ZDHHC2: variants seen among roughly 807,000 people sequenced by gnomAD.
The protein encoded by ZDHHC2 is zDHHC palmitoyltransferase 2.
ZDHHC2 carries 51 observed loss-of-function variants against 55.6 expected under a neutral mutation model. The observed-to-expected ratio is 0.92, with a 90% confidence interval of 0.73 to 1.16. ZDHHC2 has a LOEUF of 1.16. Among genes scored for constraint, ZDHHC2 ranks in the 50% most tolerant of loss-of-function variants. The pLI is 0.00. For missense variants in ZDHHC2, 491 were observed against 442.4 expected (o/e 1.11, Z -0.99); for synonymous variants, 199 against 152.9 (o/e 1.30, Z -2.22).
At chr8:17,181,098 C>G (rs1287688217) in intron 1 of ZDHHC2, among the ~76,000 whole-genome samples, 6 of 152,188 alleles carry the variant, frequency 3.9e-5, no homozygotes, top group Non-Finnish European at 8.8e-5. Context: ...CTATGGTGTG[C>G]TAAGCTAACA....
At chr8:17,195,705 T>C in intron 4 of ZDHHC2, 81 bp downstream of exon 4, 3 of 1,550,860 alleles carry the variant, frequency 1.9e-6, no homozygotes, top group South Asian at 1.2e-5. Context: ...GTTTATGTAC[T>C]TGAAATGGTA....
chr8:17,196,319 C>T (rs905262341), intron 4 of ZDHHC2, among the ~76,000 whole-genome samples: 2 of 151,984 alleles, frequency 1.3e-5, no homozygotes, highest in Non-Finnish European at 2.9e-5. Context: ...GAAGTATGGC[C>T]AGTTCAAACT....
intron 2 of ZDHHC2, 125 bp downstream of exon 2, chr8:17,184,940 A>C: frequency 1.3e-6 from 1 of 796,962 alleles, no homozygotes; most frequent in Non-Finnish European, 1.9e-6. Context: ...AGGGTTAAAG[A>C]TGTCTCATTT....
chr8:17,185,001 T>A (rs1360901385), intron 2 of ZDHHC2, among the ~76,000 whole-genome samples, 186 bp downstream of exon 2: 4 of 152,202 alleles, frequency 2.6e-5, no homozygotes. Flanking sequence ...AAGAATTCTA[T>A]CCTGAAATGG....
intron 10 of ZDHHC2, among the ~76,000 whole-genome samples, chr8:17,214,491 C>T (rs970092938): frequency 3.3e-5 from 5 of 152,142 alleles, no homozygotes; most frequent in African/African-American, 9.7e-5. Flanking sequence ...CTTCCATATC[C>T]ACATATCACT....
At chr8:17,195,230 T>C (rs934319075) in intron 3 of ZDHHC2, among the ~76,000 whole-genome samples, 1 of 152,172 alleles carries the variant, frequency 6.6e-6, no homozygotes, top group Non-Finnish European at 1.5e-5. Flanking sequence ...TTTATAAGCA[T>C]TTTTATGTAC....
chr8:17,199,562 T>TG (rs1806577539), intron 6 of ZDHHC2, among the ~76,000 whole-genome samples: 10 of 80,678 alleles, frequency 1.2e-4, no homozygotes, highest in East Asian at 2.9e-4. Context: ...CGTCTTCGTC[T>TG]TCTTCGTCTT....
At chr8:17,209,264 A>C (rs908679677) in intron 8 of ZDHHC2, among the ~76,000 whole-genome samples, 1 of 152,152 alleles carries the variant, frequency 6.6e-6, no homozygotes, top group Non-Finnish European at 1.5e-5. Context: ...GGTTTGGACA[A>C]ACTAGTTTAA....
chr8:17,221,514 C>T lies in ZDHHC2; in HGVS notation c.*1293C>T, dbSNP rs1807917066. On this transcript the variant is annotated 3_prime_UTR_variant, in exon 13 of 13. Transcript: ENST00000262096. ...AAGCAGATTACCTTTTAAAACTGGA[C>T]CAACTAAGTAATTGGTATTTAATCA... 6.6e-6 allele frequency: 1 copy of T among 152,182 alleles called. No individual in the cohort carries two copies. Among genetic ancestry groups the T allele is most frequent in the African/African-American group, 2.4e-5 (1 of 41,344 alleles). The allele number at this position is 152,182 out of a possible 1,614,324, so 9.4% of individuals were successfully genotyped here.
chr8:17,200,463 T>C (rs982232949), intron 6 of ZDHHC2, among the ~76,000 whole-genome samples: 12 of 152,230 alleles, frequency 7.9e-5, no homozygotes, highest in Non-Finnish European at 1.5e-4. Flanking sequence ...ACTCCAGATA[T>C]ATTCAGCAGA....
Position 17,156,687 on chromosome 8 carries a change from G to A in ZDHHC2, c.-37G>A, listed in dbSNP as rs1804062224. ...GCCCGCCCCGGAGCCAGGCCCGCGG[G>A]CGGCGGCGGAGCTGGGCAGGTGGAT... On this transcript the variant is annotated 5_prime_UTR_variant, in exon 1 of 13. Coordinates refer to ENST00000262096, the MANE Select transcript of ZDHHC2 (RefSeq NM_016353.5). 3.9e-6 allele frequency: 5 copies of A among 1,286,438 alleles called. No individual in the cohort carries two copies. The highest frequency in any genetic ancestry group is 4.9e-6 in the Non-Finnish European group (5 of 1,017,100). 79.7% of individuals were successfully genotyped at this position (1,286,438 alleles called of 1,614,324 possible). A position where few individuals can be genotyped will look rare whatever the true frequency, so the allele number is the denominator to read the frequency against.
chr8:17,198,248 T>G, intron 5 of ZDHHC2, 133 bp from the exon 6 acceptor site: 1 of 740,478 alleles, frequency 1.4e-6, no homozygotes. Context: ...TATCCAATTT[T>G]TAGATAAGTA....
intron 1 of ZDHHC2, among the ~76,000 whole-genome samples, chr8:17,169,845 A>G (rs1804769513): frequency 6.6e-6 from 1 of 152,198 alleles, no homozygotes; most frequent in Non-Finnish European, 1.5e-5. Flanking sequence ...GGATTCTTCA[A>G]TTCCTTGCAT....
chr8:17,181,251 T>G (rs958658337), intron 1 of ZDHHC2, among the ~76,000 whole-genome samples: 1 of 152,242 alleles, frequency 6.6e-6, no homozygotes, highest in Non-Finnish European at 1.5e-5. Context: ...AGTCTCTTAC[T>G]CAGTAAACAT....
chr8:17,191,603 A>G (rs576150843), intron 3 of ZDHHC2, among the ~76,000 whole-genome samples: 31 of 152,254 alleles, frequency 2.0e-4, no homozygotes, highest in Middle Eastern at 3.4e-3. Flanking sequence ...TACTTAACAT[A>G]ATGACCTCGA....
At chr8:17,170,602 G>A (rs1421749563) in intron 1 of ZDHHC2, among the ~76,000 whole-genome samples, 1 of 152,146 alleles carries the variant, frequency 6.6e-6, no homozygotes, top group East Asian at 1.9e-4. Context: ...TTAGAACGTT[G>A]CCTGTTTCCT....
intron 1 of ZDHHC2, among the ~76,000 whole-genome samples, chr8:17,169,313 C>A (rs989554959): frequency 6.6e-6 from 1 of 151,510 alleles, no homozygotes; most frequent in Admixed American, 6.6e-5. Flanking sequence ...GTGAAGAATC[C>A]CATGTTGCCC....
At chr8:17,198,457 T>C in intron 6 of ZDHHC2, 44 bp downstream of exon 6, 1 of 1,538,080 alleles carries the variant, frequency 6.5e-7, no homozygotes. Context: ...CCCTTGTAAA[T>C]GTTAATAAAT....
intron 8 of ZDHHC2, 109 bp downstream of exon 8, chr8:17,208,201 T>A: frequency 8.9e-7 from 1 of 1,126,710 alleles, no homozygotes; most frequent in Non-Finnish European, 1.2e-6. Flanking sequence ...GTGGGAAAAG[T>A]CATTCTTATT....
Sources: allele counts gnomAD v4.1 joint callset (sites outside exome capture counted in the v4.1 genomes callset), GRCh38; gene constraint gnomAD v4.1.1; transcripts MANE v1.5; gene names NCBI Gene and HGNC (gene_info 2026-07-23, HGNC 2026-07-21).